The following JAKMIP2 variants were observed in gnomAD, a reference collection of about 807,000 sequenced individuals.
JAKMIP2 encodes janus kinase and microtubule interacting protein 2.
JAKMIP2 carries 25 observed loss-of-function variants against 115.0 expected under a neutral mutation model. The ratio of observed to expected loss-of-function variants is 0.22; its 90% CI spans 0.16 to 0.30. The LOEUF (loss-of-function observed/expected upper bound fraction) is 0.30. JAKMIP2 is among the 10% of genes least tolerant of loss of function. The probability of loss-of-function intolerance (pLI) is 1.00; values close to 1 mark genes in which losing one functional copy is unlikely to be tolerated. For synonymous variants in JAKMIP2, 334 were observed against 343.6 expected (o/e 0.97, Z 0.31); for missense variants, 642 against 957.6 (o/e 0.67, Z 4.35).
chr5:147,698,113 G>A (rs1170620355), intron 1 of JAKMIP2, among the ~76,000 whole-genome samples: 2 of 152,186 alleles, frequency 1.3e-5, no homozygotes, highest in Non-Finnish European at 2.9e-5. Flanking sequence ...TTGCATTAGT[G>A]TGACCTGAAT....
chr5:147,640,971 G>A (rs935285485), intron 8 of JAKMIP2, 148 bp from the exon 9 acceptor site: 5 of 600,258 alleles, frequency 8.3e-6, no homozygotes, highest in Non-Finnish European at 1.3e-5. Context: ...CATTAGGCAT[G>A]AGCATAATTC....
chr5:147,694,740 G>C (rs1285362350), intron 1 of JAKMIP2, among the ~76,000 whole-genome samples: 1 of 152,112 alleles, frequency 6.6e-6, no homozygotes, highest in Non-Finnish European at 1.5e-5. Context: ...CTTCTTTGCT[G>C]TTGAATAGCC....
At chr5:147,777,122 A>G (rs779965820) in intron 1 of JAKMIP2, among the ~76,000 whole-genome samples, 4 of 152,164 alleles carry the variant, frequency 2.6e-5, no homozygotes, top group Non-Finnish European at 4.4e-5. Context: ...TTCAGACCTC[A>G]TTCATTATCA....
intron 2 of JAKMIP2, among the ~76,000 whole-genome samples, chr5:147,665,008 T>C (rs895645790): frequency 1.4e-4 from 22 of 152,104 alleles, no homozygotes; most frequent in Non-Finnish European, 2.5e-4. Context: ...CCCTAACATA[T>C]AAGAATTCAC....
intron 2 of JAKMIP2, among the ~76,000 whole-genome samples, chr5:147,671,076 G>T (rs1561528438): frequency 6.6e-6 from 1 of 152,178 alleles, no homozygotes; most frequent in East Asian, 1.9e-4. Context: ...GCATGGAGCT[G>T]TCCAGGAAGA....
intron 2 of JAKMIP2, among the ~76,000 whole-genome samples, chr5:147,670,353 T>G (rs1414861081): frequency 6.6e-6 from 1 of 152,228 alleles, no homozygotes; most frequent in Non-Finnish European, 1.5e-5. Context: ...CTATTGCTTA[T>G]TGATCAAGAA....
At position 147,660,759 on chromosome 5, in the gene JAKMIP2, G is replaced by C. The variant is rs192545813; in HGVS notation, c.627+189C>G. The C allele has an allele frequency of 4.4e-4, 269 of 615,024 alleles. 2 individuals are homozygous for C. In the African/African-American group the frequency reaches 4.7e-3, roughly 11 times the overall value. 38.1% of individuals were successfully genotyped at this position (615,024 alleles called of 1,614,324 possible). A position where few individuals can be genotyped will look rare whatever the true frequency, so the allele number is the denominator to read the frequency against. ...TCTTACACTTTACAATTTCAATTTT[G>C]GCCTGAGCATATCTCTCGATTGATC... On this transcript the variant is annotated intron_variant, in intron 3 of 21. Coordinates refer to ENST00000616793, the MANE Select transcript of JAKMIP2 (RefSeq NM_001270941.2).
At chr5:147,753,841 T>C (rs1278192184) in intron 1 of JAKMIP2, among the ~76,000 whole-genome samples, 19 of 151,988 alleles carry the variant, frequency 1.3e-4, no homozygotes. Context: ...TAAAGATGTT[T>C]CTTATAATAG....
At chr5:147,681,844 C>G (rs114904740) in intron 1 of JAKMIP2, among the ~76,000 whole-genome samples, 8,606 of 151,948 alleles carry the variant, frequency 0.057, 630 homozygotes, top group East Asian at 0.21. Context: ...GAGCTCCAGA[C>G]CAGCCTGGGC....
intron 1 of JAKMIP2, among the ~76,000 whole-genome samples, chr5:147,679,695 A>G (rs1760160236): frequency 6.6e-6 from 1 of 152,192 alleles, no homozygotes; most frequent in Non-Finnish European, 1.5e-5. Context: ...TAGTTTTTAG[A>G]TAGGGAAATT....
chr5:147,592,317 A>G (rs1169928472), intron 21 of JAKMIP2, among the ~76,000 whole-genome samples: 1 of 152,188 alleles, frequency 6.6e-6, no homozygotes, highest in East Asian at 1.9e-4. Context: ...CCTCCCCAAC[A>G]AAATTGTAAC....
intron 13 of JAKMIP2, 90 bp from the exon 14 acceptor site, chr5:147,631,601 G>A (rs1757352470): frequency 1.5e-6 from 1 of 689,650 alleles, no homozygotes; most frequent in Non-Finnish European, 2.3e-6. Flanking sequence ...TATTTCAGCA[G>A]TTTATTACTG....
At chr5:147,653,960 AG>A (rs1372520963) in intron 3 of JAKMIP2, among the ~76,000 whole-genome samples, 1 of 152,192 alleles carries the variant, frequency 6.6e-6, no homozygotes, top group African/African-American at 2.4e-5. Context: ...CCATGTATTA[AG>A]TAGGGAATCC....
chr5:147,757,744 G>A (rs576397557), intron 1 of JAKMIP2, among the ~76,000 whole-genome samples: 1 of 152,234 alleles, frequency 6.6e-6, no homozygotes, highest in African/African-American at 2.4e-5. Flanking sequence ...ATTAATTGAT[G>A]TTGGTAGCAA....
intron 1 of JAKMIP2, among the ~76,000 whole-genome samples, chr5:147,689,427 T>C (rs1760729039): frequency 6.6e-6 from 1 of 152,166 alleles, no homozygotes; most frequent in Non-Finnish European, 1.5e-5. Context: ...AGGGTGGAAT[T>C]AAGCGGACTG....
At chr5:147,709,970 C>T (rs548903262) in intron 1 of JAKMIP2, among the ~76,000 whole-genome samples, 3 of 152,276 alleles carry the variant, frequency 2.0e-5, no homozygotes, top group African/African-American at 7.2e-5. Context: ...GTGCATGCCT[C>T]ATGTCTCTAT....
chr5:147,618,186 G>GTATGTA, intron 18 of JAKMIP2, 72 bp from the exon 19 acceptor site: 2 of 1,080,650 alleles, frequency 1.9e-6, no homozygotes, highest in Non-Finnish European at 2.9e-6. Context: ...TGTATGCTAT[G>GTATGTA]TATGTATATG....
chr5:147,610,432 T>C (rs1186512733), intron 20 of JAKMIP2, among the ~76,000 whole-genome samples: 1 of 152,196 alleles, frequency 6.6e-6, no homozygotes, highest in African/African-American at 2.4e-5. Context: ...CTTCTAACAG[T>C]CAGGCCCCTC....
chr5:147,689,180 CG>C (rs1407987379), intron 1 of JAKMIP2, among the ~76,000 whole-genome samples: 2 of 151,994 alleles, frequency 1.3e-5, no homozygotes, highest in Non-Finnish European at 2.9e-5. Flanking sequence ...TTCAGGGAGC[CG>C]GGGAGGCTGG....
Sources: allele counts gnomAD v4.1 joint callset (sites outside exome capture counted in the v4.1 genomes callset), GRCh38; gene constraint gnomAD v4.1.1; transcripts MANE v1.5; gene names NCBI Gene and HGNC (gene_info 2026-07-23, HGNC 2026-07-21).